GAN: variants seen among roughly 807,000 people sequenced by gnomAD.
GAN encodes gigaxonin, also known as epididymis secretory sperm binding protein.
In GAN, 48 loss-of-function variants were observed where a neutral mutation model predicts 71.3. That is an observed-to-expected ratio of 0.67 (90% confidence interval 0.53 to 0.86). The LOEUF is 0.86. GAN is among the 40% of genes least tolerant of loss of function. The pLI is 0.00. For synonymous variants in GAN, 386 were observed against 276.8 expected (o/e 1.39, Z -3.92); for missense variants, 928 against 770.1 (o/e 1.21, Z -2.43).
In GAN at chr16:81,357,902, C is replaced by T. The variant is rs144486241; in HGVS notation, c.944C>T (p.Pro315Leu). Residue 315 changes from proline (P) to leucine (L), a missense_variant, in exon 5 of 11, where the codon CCG becomes CTG. Pro to Leu is a moderately conservative substitution (Grantham distance 98). Transcript: ENST00000648994. Reference protein sequence around the residue: ...LWIELAPLSMPRINHGVLSAE... With the variant: ...LWIELAPLSMLRINHGVLSAE... ...ATCGAACTGGCCCCTTTAAGCATGC[C>T]GAGAATTAACCATGGAGTTCTCTCA... The T allele has an allele frequency of 2.0e-4, 326 of 1,613,632 alleles. 2 individuals carry two copies. Among genetic ancestry groups the T allele is most frequent in the Non-Finnish European group, 2.1e-4 (252 of 1,179,774 alleles).
At chr16:81,349,689 G>T (rs1172078466) in intron 1 of GAN, among the ~76,000 whole-genome samples, 1 of 152,080 alleles carries the variant, frequency 6.6e-6, no homozygotes, top group Non-Finnish European at 1.5e-5. Flanking sequence ...TTCCTGTTCT[G>T]TTTGTATTCA....
chr16:81,346,805 G>T (rs538823198), intron 1 of GAN, among the ~76,000 whole-genome samples: 2 of 152,282 alleles, frequency 1.3e-5, no homozygotes, highest in East Asian at 3.9e-4. Context: ...TGGGAGAGAA[G>T]ACTGCCTGGC....
chr16:81,341,947 A>C (rs958933912), intron 1 of GAN, among the ~76,000 whole-genome samples: 4 of 152,228 alleles, frequency 2.6e-5, no homozygotes, highest in African/African-American at 9.6e-5. Flanking sequence ...AGATCTACCA[A>C]GCAAATGGAA....
At position 81,323,966 on chromosome 16, in the gene GAN, A is replaced by G. The variant is rs536531792; in HGVS notation, c.167+8686A>G. Reference sequence around the variant, plus strand: ...GAGAAGGAAATAAACATAAAACTAAAGATTTAAAGATTACTTTTGATTTCA... The same window carrying G: ...GAGAAGGAAATAAACATAAAACTAAGGATTTAAAGATTACTTTTGATTTCA... On this transcript the variant is annotated intron_variant, in intron 1 of 10. Transcript: ENST00000648994. Among the ~76,000 whole-genome samples, 31 of 152,316 alleles carry G rather than the reference A, an allele frequency of 2.0e-4. No homozygotes were observed. The South Asian group carries it at 5.6e-3, about 27-fold the overall frequency.
At position 81,381,297 on chromosome 16, in the gene GAN, C is replaced by T. The variant is rs892445663; in HGVS notation, c.*3701C>T. 8 of 152,238 alleles carry T rather than the reference C, an allele frequency of 5.3e-5. No individual in the cohort carries two copies. The highest frequency in any genetic ancestry group is 1.9e-4 in the East Asian group (1 of 5,200). 9.4% of individuals were successfully genotyped at this position (152,238 alleles called of 1,614,324 possible). On this transcript the variant is annotated 3_prime_UTR_variant, in exon 11 of 11. Coordinates refer to ENST00000648994, the MANE Select transcript of GAN (RefSeq NM_022041.4). The stretch of plus-strand genomic sequence containing the variant: ...AACCTTCCAAGGAGTGCTAGAAACA[C>T]CGCAGTATCCCCTTCCAGAATGTTG...
chr16:81,318,944 C>T (rs1341253488), intron 1 of GAN, among the ~76,000 whole-genome samples: 1 of 151,672 alleles, frequency 6.6e-6, no homozygotes, highest in Non-Finnish European at 1.5e-5. Context: ...TCCCAGCATG[C>T]TCCTTTCCCA....
chr16:81,324,858 G>C (rs1909331109), intron 1 of GAN, among the ~76,000 whole-genome samples: 1 of 152,234 alleles, frequency 6.6e-6, no homozygotes, highest in Non-Finnish European at 1.5e-5. Flanking sequence ...CTCTATAAAA[G>C]CCAAGAGTGG....
intron 1 of GAN, among the ~76,000 whole-genome samples, chr16:81,349,641 C>A (rs1317632782): frequency 6.6e-6 from 1 of 152,092 alleles, no homozygotes; most frequent in Admixed American, 6.5e-5. Context: ...GAGACCCTGT[C>A]TCAAAAACAA....
intron 1 of GAN, among the ~76,000 whole-genome samples, chr16:81,331,746 C>G (rs1043512376): frequency 2.0e-5 from 3 of 152,156 alleles, no homozygotes; most frequent in African/African-American, 7.2e-5. Flanking sequence ...CAATATAGAG[C>G]AAATCTCTAA....
chr16:81,353,422 G>A (rs1439159405), intron 2 of GAN, among the ~76,000 whole-genome samples: 1 of 152,096 alleles, frequency 6.6e-6, no homozygotes, highest in Non-Finnish European at 1.5e-5. Context: ...GCTGCCTGCT[G>A]TCTTGTGGCT....
chr16:81,369,931 C>T (rs903718948), intron 9 of GAN, among the ~76,000 whole-genome samples: 2 of 152,216 alleles, frequency 1.3e-5, no homozygotes, highest in East Asian at 1.9e-4. Context: ...GGTGATCATA[C>T]TGATCCCAAA....
At chr16:81,353,115 C>T (rs1436890596) in intron 2 of GAN, among the ~76,000 whole-genome samples, 1 of 151,996 alleles carries the variant, frequency 6.6e-6, no homozygotes. Context: ...CACGGTGAAA[C>T]CCCGTCTCTA....
At chr16:81,352,260 C>T (rs2150684220) in intron 2 of GAN, among the ~76,000 whole-genome samples, 1 of 152,276 alleles carries the variant, frequency 6.6e-6, no homozygotes, top group Middle Eastern at 3.4e-3. Context: ...ATTCTCTCTT[C>T]CCTCTCCATG....
In GAN at chr16:81,378,774, A is replaced by C. The variant is rs370216940; in HGVS notation, c.*1178A>C. The C allele has an allele frequency of 6.6e-6, 1 of 152,620 alleles. No individual in the cohort carries two copies. The highest frequency in any genetic ancestry group is 2.4e-5 in the African/African-American group (1 of 41,444). The allele number at this position is 152,620 out of a possible 1,614,324, so 9.5% of individuals were successfully genotyped here. On this transcript the variant is annotated 3_prime_UTR_variant, in exon 11 of 11. Coordinates refer to ENST00000648994, the MANE Select transcript of GAN (RefSeq NM_022041.4). ...TTTCATTCTGTTCATAGTAGAGCAA[A>C]TTAATCTTTTCCTCCTTCCCTCCTT...
At chr16:81,375,665 A>G (rs143857535) in intron 9 of GAN, among the ~76,000 whole-genome samples, 4 of 152,112 alleles carry the variant, frequency 2.6e-5, no homozygotes, top group African/African-American at 7.2e-5. Flanking sequence ...CAGACATTTT[A>G]TAAAAGAACA....
intron 1 of GAN, among the ~76,000 whole-genome samples, chr16:81,341,043 G>C (rs577605247): frequency 6.6e-6 from 1 of 151,978 alleles, no homozygotes; most frequent in South Asian, 2.1e-4. Flanking sequence ...AAGGATATCA[G>C]TGACTGAAGA....
Position 81,332,255 on chromosome 16 carries a change from C to G in GAN, c.167+16975C>G, listed in dbSNP as rs144671235. On this transcript the variant is annotated intron_variant, in intron 1 of 10. Coordinates refer to ENST00000648994, the MANE Select transcript of GAN (RefSeq NM_022041.4). ...AAGCAACGGTGGTGGGTAAACCAGT[C>G]AGAGACGTTGCAGGTCATTTCAGCA... Among the ~76,000 whole-genome samples the G allele has an allele frequency of 5.6e-3, 850 of 152,120 alleles. 1 individual carries two copies. The highest frequency in any genetic ancestry group is 8.9e-3 in the Non-Finnish European group (608 of 68,002).
In GAN at chr16:81,333,215, C is replaced by G. The variant is rs8048095; in HGVS notation, c.167+17935C>G. Among the ~76,000 whole-genome samples, 144 of 148,592 alleles carry G rather than the reference C, an allele frequency of 9.7e-4. 3 individuals are homozygous for G. Among genetic ancestry groups the G allele is most frequent in the African/African-American group, 3.5e-3 (138 of 39,972 alleles). ...TGAGATCACGCCACTCCACTCCAGC[C>G]TAGGCAACAGAGCGAGACTCCATCT... On this transcript the variant is annotated intron_variant, in intron 1 of 10. Coordinates refer to ENST00000648994, the MANE Select transcript of GAN (RefSeq NM_022041.4).
At chr16:81,362,763 C>T (rs1044236192) in intron 6 of GAN, 152 bp downstream of exon 6, 7 of 695,762 alleles carry the variant, frequency 1.0e-5, no homozygotes, top group African/African-American at 5.3e-5. Flanking sequence ...CCCGGCTCTC[C>T]TCCCCTTCCT....
Sources: allele counts gnomAD v4.1 joint callset (sites outside exome capture counted in the v4.1 genomes callset), GRCh38; gene constraint gnomAD v4.1.1; transcripts MANE v1.5; gene names NCBI Gene and HGNC (gene_info 2026-07-23, HGNC 2026-07-21).